Variants in HERPUD1 observed in about 807,000 individuals in gnomAD.
The protein encoded by HERPUD1 is homocysteine inducible ER protein with ubiquitin like domain 1, also known as homocysteine-responsive endoplasmic reticulum-resident ubiquitin-like domain member 1 protein.
HERPUD1 carries 17 observed loss-of-function variants against 45.0 expected under a neutral mutation model. The ratio of observed to expected loss-of-function variants is 0.38; its 90% confidence interval spans 0.26 to 0.57. The LOEUF is 0.57. HERPUD1 is among the 20% of genes least tolerant of loss of function. HERPUD1 has a pLI of 0.72. For synonymous variants in HERPUD1, 164 were observed against 177.5 expected (o/e 0.92, Z 0.61); for missense variants, 420 against 490.5 (o/e 0.86, Z 1.36).
Position 56,932,178 on chromosome 16 carries a change from G to C in HERPUD1, c.-67G>C. The stretch of plus-strand genomic sequence containing the variant: ...GTGAACTGTCGTTGCAGAGATTGCG[G>C]GCGGCTGAGACGCCGCCTGCCTGGC... On this transcript the variant is annotated 5_prime_UTR_variant, in exon 1 of 8. Transcript: ENST00000439977. 6.4e-7 allele frequency: 1 copy of C among 1,572,638 alleles called. No individual in the cohort carries two copies. Among genetic ancestry groups the C allele is most frequent in the Non-Finnish European group, 8.6e-7 (1 of 1,166,110 alleles).
At position 56,936,542 on chromosome 16, in the gene HERPUD1, C is replaced by T. The variant is rs7189637; in HGVS notation, c.301-145C>T. On this transcript the variant is annotated intron_variant, in intron 3 of 7. Transcript: ENST00000439977. The stretch of plus-strand genomic sequence containing the variant: ...TGAATAAATGTCAGACTATTTTTTA[C>T]ATAACGTTGCTTCTGTTTAATTTTG... 1.3e-3 allele frequency: 671 copies of T among 517,018 alleles called. 5 individuals are homozygous for T. The highest frequency in any genetic ancestry group is 0.012 in the African/African-American group (612 of 50,784). The allele number at this position is 517,018 out of a possible 1,614,324, so 32.0% of individuals were successfully genotyped here. A position where few individuals can be genotyped will look rare whatever the true frequency, so the allele number is the denominator to read the frequency against.
rs571772272 is a variant in HERPUD1 at position 56,939,835 on chromosome 16, G to A, written c.555-60G>A. The A allele has an allele frequency of 2.5e-5, 33 of 1,318,024 alleles. 1 individual carries two copies. The South Asian group carries it at 4.1e-4, about 17-fold the overall frequency. 81.6% of individuals were successfully genotyped at this position (1,318,024 alleles called of 1,614,324 possible). On this transcript the variant is annotated intron_variant, in intron 5 of 7. Coordinates refer to ENST00000439977, the MANE Select transcript of HERPUD1 (RefSeq NM_014685.4). ...CAGTAAAAGACTGCTGTGTAAATAA[G>A]CCACAGACTTCACGGTGCTTTGGTC...
rs547581145 is a variant in HERPUD1, at chr16:56,932,186, A to G, written c.-59A>G. On this transcript the variant is annotated 5_prime_UTR_variant, in exon 1 of 8. Transcript: ENST00000439977. ...TCGTTGCAGAGATTGCGGGCGGCTG[A>G]GACGCCGCCTGCCTGGCACCTAGGA... 2.7e-5 allele frequency: 42 copies of G among 1,581,454 alleles called. No homozygotes were observed. In the East Asian group the frequency reaches 8.7e-4, roughly 33 times the overall value.
At chr16:56,932,888 C>G (rs973572131) in intron 1 of HERPUD1, among the ~76,000 whole-genome samples, 1 of 152,182 alleles carries the variant, frequency 6.6e-6, no homozygotes, top group Non-Finnish European at 1.5e-5. Flanking sequence ...TCCGCCGTGC[C>G]CCTCCCTGTC....
chr16:56,942,222 C>G lies in HERPUD1; in HGVS notation c.996C>G (p.Pro332=). 1 of 1,613,212 alleles carries G rather than the reference C, an allele frequency of 6.2e-7. No homozygotes were observed. The highest frequency in any genetic ancestry group is 1.3e-5 in the African/African-American group (1 of 75,004). The change falls in exon 7 of 8, where the codon CCC becomes CCG. Residue 332 remains proline (P), a synonymous_variant. Transcript: ENST00000439977. ...GPPPDVVNQD[P]NNNLQEGTDP... Reference sequence around the variant, plus strand: ...CTCCTGACGTTGTAAATCAGGACCCCAACAATAACTTACAGGTATGGAGCC... The same window carrying G: ...CTCCTGACGTTGTAAATCAGGACCCGAACAATAACTTACAGGTATGGAGCC...
chr16:56,932,494 G>C (rs2055834095), intron 1 of HERPUD1, 103 bp downstream of exon 1: 1 of 1,109,622 alleles, frequency 9.0e-7, no homozygotes, highest in South Asian at 1.6e-5. Flanking sequence ...CCCGCTGACG[G>C]CTGCGATCGC....
chr16:56,940,923 A>C (rs1229744738), intron 6 of HERPUD1: 1 of 151,920 alleles, frequency 6.6e-6, no homozygotes, highest in African/African-American at 2.4e-5. Context: ...GCACCACTGC[A>C]CTCCAGCCTG....
chr16:56,939,033 G>A (rs761399183), intron 4 of HERPUD1: 1 of 595,866 alleles, frequency 1.7e-6, no homozygotes, highest in South Asian at 2.1e-5. Context: ...CTGTGGGATG[G>A]GACTGTGGTA....
chr16:56,942,625 C>T (rs1417637640), intron 7 of HERPUD1, among the ~76,000 whole-genome samples: 1 of 152,130 alleles, frequency 6.6e-6, no homozygotes, highest in Non-Finnish European at 1.5e-5. Flanking sequence ...GAGGCTGAGG[C>T]AGGTAGATCA....
intron 1 of HERPUD1, among the ~76,000 whole-genome samples, chr16:56,932,817 CTG>C (rs1235116322): frequency 3.3e-5 from 5 of 152,240 alleles, no homozygotes; most frequent in African/African-American, 1.2e-4. Flanking sequence ...CGCCCAGACA[CTG>C]TGGACGGAAG....
At chr16:56,937,262 T>A (rs2055874034) in intron 4 of HERPUD1, 1 of 152,488 alleles carries the variant, frequency 6.6e-6, no homozygotes, top group African/African-American at 2.4e-5. Flanking sequence ...CTAGGAAAAT[T>A]GGCCAATTTC....
intron 4 of HERPUD1, among the ~76,000 whole-genome samples, chr16:56,938,461 G>C (rs1471842527): frequency 1.3e-5 from 2 of 152,098 alleles, no homozygotes; most frequent in Non-Finnish European, 2.9e-5. Context: ...TACTGGGGAG[G>C]CTGAGGCAGG....
chr16:56,935,181 G>T, intron 1 of HERPUD1, 54 bp from the exon 2 acceptor site: 1 of 1,219,446 alleles, frequency 8.2e-7, no homozygotes, highest in South Asian at 1.2e-5. Flanking sequence ...TCTGTGTTTA[G>T]GAACTTGTAG....
In HERPUD1 at chr16:56,943,697, A is replaced by G. The variant is rs1050381009; in HGVS notation, c.*407A>G. On this transcript the variant is annotated 3_prime_UTR_variant, in exon 8 of 8. Coordinates refer to ENST00000439977, the MANE Select transcript of HERPUD1 (RefSeq NM_014685.4). ...CCTGTTGGAATGTTTAAATTACACT[A>G]AGTGTACTACTTTATATAATCAATG... 3.1e-5 allele frequency: 11 copies of G among 355,288 alleles called. No individual in the cohort carries two copies. Among genetic ancestry groups the G allele is most frequent in the Non-Finnish European group, 5.9e-5 (11 of 187,416 alleles). The allele number at this position is 355,288 out of a possible 1,614,324, so 22.0% of individuals were successfully genotyped here.
intron 3 of HERPUD1, chr16:56,935,683 G>A: frequency 5.2e-6 from 3 of 579,888 alleles, no homozygotes; most frequent in East Asian, 2.9e-5. Context: ...TGCTGTAGTA[G>A]AAAGGTGGAG....
In HERPUD1 at chr16:56,944,834, A is replaced by G. The variant is rs1567463043; in HGVS notation, c.*1544A>G. On this transcript the variant is annotated 3_prime_UTR_variant, in exon 8 of 8. Coordinates refer to ENST00000439977, the MANE Select transcript of HERPUD1 (RefSeq NM_014685.4). ...GAGTAATGTTATGTGTAGGTGTTCT[A>G]TTTGGCAAAATAAATCAGCCTTTTC... 6.6e-6 allele frequency: 1 copy of G among 152,182 alleles called. No individual in the cohort carries two copies. The allele number at this position is 152,182 out of a possible 1,614,324, so 9.4% of individuals were successfully genotyped here.
At position 56,935,100 on chromosome 16, in the gene HERPUD1, T is replaced by C. The variant is rs1228605295; in HGVS notation, c.148-135T>C. 9 of 649,692 alleles carry C rather than the reference T, an allele frequency of 1.4e-5. No homozygotes were observed. In the East Asian group the frequency reaches 1.9e-4, roughly 14 times the overall value. The allele number at this position is 649,692 out of a possible 1,614,324, so 40.2% of individuals were successfully genotyped here. On this transcript the variant is annotated intron_variant, in intron 1 of 7. Coordinates refer to ENST00000439977, the MANE Select transcript of HERPUD1 (RefSeq NM_014685.4). The stretch of plus-strand genomic sequence containing the variant: ...AATAGAAGTCTTGTATATGGGGCTT[T>C]TGAGAAAGTGTTTTCCCGTGATGCT...
chr16:56,934,699 A>ATTTTTTTTTTTTTTT (rs1257594998), intron 1 of HERPUD1, among the ~76,000 whole-genome samples: 1 of 73,104 alleles, frequency 1.4e-5, no homozygotes, highest in African/African-American at 5.7e-5. Context: ...ATAATTTGCC[A>ATTTTTTTTTTTTTTT]TTCTTTTTTT....
At chr16:56,940,325 T>C (rs1321365314) in intron 6 of HERPUD1, 80 bp downstream of exon 6, 1 of 1,028,818 alleles carries the variant, frequency 9.7e-7, no homozygotes, top group Non-Finnish European at 1.4e-6. Flanking sequence ...TGTTTCTTGT[T>C]TTTTTTGAGA....
Sources: allele counts gnomAD v4.1 joint callset (sites outside exome capture counted in the v4.1 genomes callset), GRCh38; gene constraint gnomAD v4.1.1; transcripts MANE v1.5; gene names NCBI Gene and HGNC (gene_info 2026-07-23, HGNC 2026-07-21).